CALN1: variants seen among roughly 807,000 people sequenced by gnomAD.
CALN1 encodes the protein calneuron 1, also known as calcium-binding protein 8.
A neutral mutation model predicts 30.6 loss-of-function variants in CALN1; 17 were observed. That is an observed-to-expected ratio of 0.56 (90% CI 0.38 to 0.83). The LOEUF is 0.83. Ranked by LOEUF, CALN1 falls within the 40% of genes least tolerant of loss-of-function variation. The pLI, the probability that CALN1 is intolerant of heterozygous loss-of-function variation, is 0.00. For missense variants in CALN1, 291 were observed against 354.9 expected (o/e 0.82, Z 1.45); for synonymous variants, 156 against 131.4 (o/e 1.19, Z -1.28).
intron 1 of CALN1, among the ~76,000 whole-genome samples, chr7:72,444,121 T>G (rs997147189): frequency 6.6e-6 from 1 of 151,934 alleles, no homozygotes; most frequent in Non-Finnish European, 1.5e-5. Flanking sequence ...ATTGATAGAC[T>G]CGTACTACGC....
intron 3 of CALN1, among the ~76,000 whole-genome samples, chr7:72,228,728 A>G (rs2677279): frequency 0.7 from 105,017 of 150,778 alleles, 37,298 homozygotes; most frequent in East Asian, 1. Flanking sequence ...AGTGTTGGCT[A>G]CCTTATTTAT....
chr7:72,087,152 C>T (rs779953013), intron 4 of CALN1, among the ~76,000 whole-genome samples: 1 of 152,112 alleles, frequency 6.6e-6, no homozygotes, highest in East Asian at 1.9e-4. Context: ...AACAAAAGAG[C>T]GTCTGAAATA....
At chr7:72,142,491 A>AT (rs1403857050) in intron 3 of CALN1, among the ~76,000 whole-genome samples, 9 of 152,192 alleles carry the variant, frequency 5.9e-5, no homozygotes, top group African/African-American at 1.9e-4. Flanking sequence ...AACTGGGTGG[A>AT]TCCCACTGCA....
intron 5 of CALN1, among the ~76,000 whole-genome samples, chr7:71,954,362 A>T (rs894648731): frequency 2.0e-5 from 3 of 152,180 alleles, no homozygotes; most frequent in Non-Finnish European, 4.4e-5. Context: ...AGGGAGGCTG[A>T]GGCAGGAAAA....
intron 1 of CALN1, among the ~76,000 whole-genome samples, chr7:72,409,866 T>A (rs1341841557): frequency 6.6e-6 from 1 of 152,192 alleles, no homozygotes; most frequent in Non-Finnish European, 1.5e-5. Flanking sequence ...TTCTTTTGCA[T>A]CTTGTGGTCT....
chr7:72,115,484 CTTT>C (rs71069026), intron 3 of CALN1, among the ~76,000 whole-genome samples: 1,167 of 80,560 alleles, frequency 0.014, 7 homozygotes, highest in African/African-American at 0.061. Flanking sequence ...CATATACATT[CTTT>C]TTTTTTTTTT....
At chr7:72,449,240 G>T (rs1285138079), upstream of CALN1, among the ~76,000 whole-genome samples, 1 of 152,220 alleles carries the variant, frequency 6.6e-6, no homozygotes, top group Admixed American at 6.5e-5. Context: ...CAGCACCAAG[G>T]TTGACCAAAT....
At chr7:71,806,849 C>T (rs1354096850) in intron 6 of CALN1, among the ~76,000 whole-genome samples, 1 of 152,200 alleles carries the variant, frequency 6.6e-6, no homozygotes, top group African/African-American at 2.4e-5. Context: ...GCTCAACACT[C>T]CTCAGGGAAT....
intron 2 of CALN1, among the ~76,000 whole-genome samples, chr7:72,299,894 T>A (rs1050542013): frequency 6.6e-6 from 1 of 151,924 alleles, no homozygotes; most frequent in Non-Finnish European, 1.5e-5. Context: ...TTGTTTTGTT[T>A]TTTTGTTTGT....
intron 4 of CALN1, among the ~76,000 whole-genome samples, chr7:72,025,087 G>T (rs559141172): frequency 6.6e-6 from 1 of 152,196 alleles, no homozygotes; most frequent in East Asian, 1.9e-4. Context: ...GAGGTGGGTG[G>T]ATGACCTGAG....
At chr7:72,115,118 A>G (rs886607528) in intron 3 of CALN1, among the ~76,000 whole-genome samples, 2 of 148,034 alleles carry the variant, frequency 1.4e-5, no homozygotes, top group Non-Finnish European at 3.0e-5. Flanking sequence ...TAATATATAT[A>G]GTATAATATA....
In CALN1 at chr7:71,780,686, T is replaced by C. The variant is rs771743897; in HGVS notation, c.*7089A>G. ...TATCAACATATACTGGAAGTGCTGT[T>C]ATAGTGGCCAGAAAAAAAAAAAAGC... On this transcript the variant is annotated 3_prime_UTR_variant, in exon 7 of 7. Transcript: ENST00000395275. 6.6e-6 allele frequency: 1 copy of C among 151,924 alleles called. No homozygotes were observed. The highest frequency in any genetic ancestry group is 1.5e-5 in the Non-Finnish European group (1 of 67,986). 9.4% of individuals were successfully genotyped at this position (151,924 alleles called of 1,614,324 possible).
chr7:72,496,484 T>C, the CALN1 span, among the ~76,000 whole-genome samples: 2 of 152,218 alleles, frequency 1.3e-5, no homozygotes, highest in Non-Finnish European at 2.9e-5. Context: ...TAGGGAACTA[T>C]AAGCCTTGGA....
At chr7:72,008,908 C>G (rs1334403475) in intron 5 of CALN1, among the ~76,000 whole-genome samples, 2 of 151,998 alleles carry the variant, frequency 1.3e-5, no homozygotes, top group African/African-American at 2.4e-5. Flanking sequence ...CACCCGCCTC[C>G]GCCTCCCAAC....
Position 71,785,146 on chromosome 7 carries a change from G to A in CALN1, c.*2629C>T, listed in dbSNP as rs1792919441. 1 of 343,350 alleles carries A rather than the reference G, an allele frequency of 2.9e-6. No homozygotes were observed. The highest frequency in any genetic ancestry group is 4.8e-5 in the Admixed American group (1 of 20,918). The allele number at this position is 343,350 out of a possible 1,614,324, so 21.3% of individuals were successfully genotyped here. ...ACAGTGGGAAGATAACTCCTAGGCT[G>A]TCAGAAAGAATTCTGTGTCTTCCTT... On this transcript the variant is annotated 3_prime_UTR_variant, in exon 7 of 7. Transcript: ENST00000395275.
intron 3 of CALN1, among the ~76,000 whole-genome samples, chr7:72,134,136 A>G (rs1212100961): frequency 6.6e-6 from 1 of 152,212 alleles, no homozygotes; most frequent in East Asian, 1.9e-4. Context: ...TTCTTCTGCC[A>G]TATGAGGACA....
At chr7:72,061,511 T>C (rs4719206) in intron 4 of CALN1, among the ~76,000 whole-genome samples, 31,973 of 150,460 alleles carry the variant, frequency 0.21, 4,255 homozygotes, top group Middle Eastern at 0.33. Flanking sequence ...ACAATGAAAA[T>C]TTCAGAACTA....
At chr7:72,394,523 A>G (rs1014735755) in intron 2 of CALN1, among the ~76,000 whole-genome samples, 1 of 152,222 alleles carries the variant, frequency 6.6e-6, no homozygotes, top group Non-Finnish European at 1.5e-5. Flanking sequence ...ACAATAGAAA[A>G]GGATGCTGGT....
At chr7:72,290,073 C>T (rs1297265999) in intron 2 of CALN1, among the ~76,000 whole-genome samples, 1 of 82,320 alleles carries the variant, frequency 1.2e-5, no homozygotes, top group Non-Finnish European at 2.1e-5. Context: ...GAACGAGACC[C>T]TGTCTTAAAA....
Sources: gnomAD v4.1 joint callset for allele counts (sites outside exome capture counted in the v4.1 genomes callset) on GRCh38, gnomAD v4.1.1 for gene constraint, MANE v1.5 for transcripts, NCBI Gene and HGNC (gene_info 2026-07-23, HGNC 2026-07-21) for gene names.